L3MBTL4: variants seen among roughly 807,000 people sequenced by gnomAD.
L3MBTL4 encodes L3MBTL histone methyl-lysine binding protein 4, also known as lethal(3)malignant brain tumor-like protein 4.
Under a neutral mutation model 84.5 loss-of-function variants are expected in L3MBTL4, and 70 were observed. That is an observed-to-expected ratio of 0.83 (90% CI 0.68 to 1.01). The LOEUF is 1.01. Ranked by LOEUF, L3MBTL4 falls within the 50% of genes least tolerant of loss-of-function variation. The probability of loss-of-function intolerance (pLI) is 0.00; values close to 1 mark genes in which losing one functional copy is unlikely to be tolerated. For missense variants in L3MBTL4, 715 were observed against 754.8 expected, an observed-to-expected ratio of 0.95 and a Z score of 0.62; for synonymous variants, 274 against 259.8, an observed-to-expected ratio of 1.05 and a Z score of -0.52.
At chr18:6,043,922 C>A (rs2056508456) in intron 16 of L3MBTL4, among the ~76,000 whole-genome samples, 3 of 152,212 alleles carry the variant, frequency 2.0e-5, no homozygotes, top group Admixed American at 2.0e-4. Flanking sequence ...AAAAATCATG[C>A]ACTTCTGTAT....
chr18:6,368,671 C>T (rs542936027), intron 1 of L3MBTL4, among the ~76,000 whole-genome samples: 1 of 152,296 alleles, frequency 6.6e-6, no homozygotes, highest in East Asian at 1.9e-4. Context: ...GAGCCTACGA[C>T]ACAATTATGG....
intron 16 of L3MBTL4, among the ~76,000 whole-genome samples, chr18:6,060,511 A>C (rs80309320): frequency 0.027 from 4,084 of 151,710 alleles, 86 homozygotes; most frequent in African/African-American, 0.06. Context: ...CCCTAATCCC[A>C]TGTCTTCCCC....
At chr18:6,173,920 C>T (rs1334508372) in intron 12 of L3MBTL4, among the ~76,000 whole-genome samples, 1 of 152,104 alleles carries the variant, frequency 6.6e-6, no homozygotes, top group Non-Finnish European at 1.5e-5. Flanking sequence ...AACAAAGATA[C>T]TAGAGGTCAC....
intron 1 of L3MBTL4, among the ~76,000 whole-genome samples, chr18:6,371,855 A>T (rs1268029254): frequency 2.6e-5 from 4 of 152,252 alleles, no homozygotes; most frequent in Non-Finnish European, 5.9e-5. Context: ...GAAGCTTATC[A>T]ATATCACCAT....
At chr18:6,297,766 C>T (rs990544118) in intron 4 of L3MBTL4, among the ~76,000 whole-genome samples, 3 of 152,170 alleles carry the variant, frequency 2.0e-5, no homozygotes, top group Non-Finnish European at 4.4e-5. Context: ...TCTTTTCTTA[C>T]TCTACAGGTA....
At chr18:6,041,743 T>C (rs2145719859) in intron 16 of L3MBTL4, among the ~76,000 whole-genome samples, 1 of 152,252 alleles carries the variant, frequency 6.6e-6, no homozygotes, top group East Asian at 1.9e-4. Flanking sequence ...TTATTTTTTT[T>C]AGATGGGGTC....
chr18:6,183,220 G>A (rs2044560415), intron 12 of L3MBTL4, among the ~76,000 whole-genome samples: 2 of 152,168 alleles, frequency 1.3e-5, no homozygotes, highest in Non-Finnish European at 2.9e-5. Context: ...TTGGGGCTCT[G>A]CGACTACATG....
At chr18:6,410,462 C>T (rs144481384) in intron 1 of L3MBTL4, among the ~76,000 whole-genome samples, 101 of 152,212 alleles carry the variant, frequency 6.6e-4, no homozygotes, top group African/African-American at 2.4e-3. Context: ...ACACAGTGGA[C>T]ACCCAACAAA....
chr18:6,022,839 T>C lies in L3MBTL4; in HGVS notation c.1445-53277A>G, dbSNP rs544821427. Among the ~76,000 whole-genome samples the C allele has an allele frequency of 6.6e-5, 10 of 152,336 alleles. No homozygotes were observed. In the South Asian group the frequency reaches 2.1e-3, roughly 32 times the overall value. Reference sequence around the variant, plus strand: ...TCAAGAAGTATCACTGAGCACATATTTGTGCCTTCTGTACAAAGGCAGAGG... The same window carrying C: ...TCAAGAAGTATCACTGAGCACATATCTGTGCCTTCTGTACAAAGGCAGAGG... On this transcript the variant is annotated intron_variant, in intron 16 of 18. Transcript: ENST00000317931.
intron 1 of L3MBTL4, among the ~76,000 whole-genome samples, chr18:6,385,886 T>C (rs1014973955): frequency 2.6e-5 from 4 of 152,174 alleles, no homozygotes; most frequent in African/African-American, 9.7e-5. Context: ...TCAATCAAAA[T>C]TTGAACCTGT....
chr18:6,250,134 C>A (rs1337006464), intron 5 of L3MBTL4, among the ~76,000 whole-genome samples: 1 of 152,126 alleles, frequency 6.6e-6, no homozygotes, highest in Non-Finnish European at 1.5e-5. Context: ...CAAAAAGCCA[C>A]AAAATAACAT....
chr18:6,203,551 C>A (rs1442222753), intron 12 of L3MBTL4, among the ~76,000 whole-genome samples: 1 of 152,126 alleles, frequency 6.6e-6, no homozygotes, highest in South Asian at 2.1e-4. Flanking sequence ...AGAAGCCACT[C>A]ATACCTGACT....
At chr18:6,184,579 T>C (rs1052855360) in intron 12 of L3MBTL4, among the ~76,000 whole-genome samples, 1 of 152,206 alleles carries the variant, frequency 6.6e-6, no homozygotes, top group East Asian at 1.9e-4. Flanking sequence ...TTCTATAACA[T>C]GAAAGTTCCT....
chr18:6,126,278 G>T (rs1411544537), intron 14 of L3MBTL4, among the ~76,000 whole-genome samples: 2 of 152,028 alleles, frequency 1.3e-5, no homozygotes, highest in Non-Finnish European at 2.9e-5. Context: ...TAATAAAATG[G>T]TATCATTTTA....
chr18:6,046,390 T>G (rs1017016343), intron 16 of L3MBTL4, among the ~76,000 whole-genome samples: 1 of 152,216 alleles, frequency 6.6e-6, no homozygotes, highest in Non-Finnish European at 1.5e-5. Context: ...TTGAATTTGA[T>G]AGTTGACCAA....
At chr18:6,415,097 C>T (rs1392141851), upstream of L3MBTL4, 1 of 152,288 alleles carries the variant, frequency 6.6e-6, no homozygotes, top group Non-Finnish European at 1.5e-5. Flanking sequence ...GCGGAATTTT[C>T]AGATGCGTCC....
intron 13 of L3MBTL4, among the ~76,000 whole-genome samples, chr18:6,156,101 AT>A (rs1412924496): frequency 6.6e-6 from 1 of 152,196 alleles, no homozygotes; most frequent in African/African-American, 2.4e-5. Context: ...TGAAAGAATA[AT>A]TGCTATAAAT....
At chr18:6,021,196 C>T (rs2055235456) in intron 16 of L3MBTL4, among the ~76,000 whole-genome samples, 1 of 152,192 alleles carries the variant, frequency 6.6e-6, no homozygotes, top group Non-Finnish European at 1.5e-5. Context: ...GGCACCTTGA[C>T]AGCAGGGCCA....
intron 1 of L3MBTL4, among the ~76,000 whole-genome samples, chr18:6,361,760 T>C (rs970996946): frequency 1.2e-4 from 18 of 152,152 alleles, no homozygotes; most frequent in Admixed American, 1.1e-3. Context: ...AAGAATTCCA[T>C]GTACGTCGTC....
Sources: gnomAD v4.1 joint callset for allele counts (sites outside exome capture counted in the v4.1 genomes callset) on GRCh38, gnomAD v4.1.1 for gene constraint, MANE v1.5 for transcripts, NCBI Gene and HGNC (gene_info 2026-07-23, HGNC 2026-07-21) for gene names.